Variants in HMGB1 observed in about 807,000 individuals in gnomAD.
HMGB1 encodes high mobility group box 1, also known as high mobility group protein B1.
For missense variants in HMGB1, 79 were observed against 253.5 expected, an observed-to-expected ratio of 0.31 and a Z score of 4.67; for synonymous variants, 81 against 84.0, an observed-to-expected ratio of 0.96 and a Z score of 0.19.
At chr13:30,570,457 C>G (rs1377698949) in intron 1 of HMGB1, among the ~76,000 whole-genome samples, 1 of 152,186 alleles carries the variant, frequency 6.6e-6, no homozygotes, top group Non-Finnish European at 1.5e-5. Context: ...TCACTTTGAA[C>G]TTCTGCATCT....
chr13:30,484,662 G>A (rs1435595414), intron 1 of HMGB1, among the ~76,000 whole-genome samples: 2 of 152,078 alleles, frequency 1.3e-5, no homozygotes, highest in African/African-American at 4.8e-5. Context: ...TTGAGCCCAG[G>A]AGTTCAAAAC....
rs977822158 is a variant in HMGB1 at position 30,457,110 on chromosome 13, A to C, written c.*4247T>G. On this transcript the variant is annotated 3_prime_UTR_variant, in exon 5 of 5. Coordinates refer to ENST00000341423, the MANE Select transcript of HMGB1 (RefSeq NM_002128.7). ...GTACATAATTTACAAGGATCTCTCT[A>C]ATCCCTTTTCCACTTATTTTTAAAA... 1 of 152,198 alleles carries C rather than the reference A, an allele frequency of 6.6e-6. No individual in the cohort carries two copies. Among genetic ancestry groups the C allele is most frequent in the African/African-American group, 2.4e-5 (1 of 41,434 alleles). 9.4% of individuals were successfully genotyped at this position (152,198 alleles called of 1,614,324 possible).
chr13:30,531,671 G>C (rs1036432670), intron 1 of HMGB1, among the ~76,000 whole-genome samples: 1 of 151,748 alleles, frequency 6.6e-6, no homozygotes, highest in African/African-American at 2.4e-5. Flanking sequence ...AGGCCGAGGT[G>C]GGCGGATCAC....
chr13:30,536,402 T>C (rs574588657), intron 1 of HMGB1, among the ~76,000 whole-genome samples: 2 of 152,322 alleles, frequency 1.3e-5, no homozygotes, highest in Non-Finnish European at 2.9e-5. Flanking sequence ...TGAACTGGAG[T>C]GCAGTGGTGC....
At chr13:30,474,809 G>A (rs1440222812) in intron 1 of HMGB1, among the ~76,000 whole-genome samples, 2 of 132,788 alleles carry the variant, frequency 1.5e-5, no homozygotes, top group African/African-American at 5.8e-5. Context: ...CGCCTAAGCT[G>A]GAGTGCAATG....
intron 1 of HMGB1, among the ~76,000 whole-genome samples, chr13:30,592,716 A>G (rs1209957843): frequency 6.6e-6 from 1 of 152,112 alleles, no homozygotes; most frequent in Non-Finnish European, 1.5e-5. Flanking sequence ...AGTCAGGAAC[A>G]AAGCCACAAC....
intron 1 of HMGB1, among the ~76,000 whole-genome samples, chr13:30,492,712 C>T (rs533201243): frequency 2.0e-5 from 3 of 152,166 alleles, no homozygotes; most frequent in Non-Finnish European, 2.9e-5. Context: ...TAAACATGGC[C>T]GGGCACGCTG....
At chr13:30,538,498 C>CTTTCTTTCTTTTTCTTTA in intron 1 of HMGB1, among the ~76,000 whole-genome samples, 1 of 15,840 alleles carries the variant, frequency 6.3e-5, no homozygotes, top group African/African-American at 1.0e-4. Flanking sequence ...TTCTTTCTTT[C>CTTTCTTTCTTTTTCTTTA]TTTCTTTCTT....
In HMGB1 at chr13:30,457,988, T is replaced by C. The variant is rs1886061237; in HGVS notation, c.*3369A>G. ...TTGAAAATGACACAAAGCACAAATA[T>C]GAAAAGAAATTCAAATATTATCACA... On this transcript the variant is annotated 3_prime_UTR_variant, in exon 5 of 5. Coordinates refer to ENST00000341423, the MANE Select transcript of HMGB1 (RefSeq NM_002128.7). 1 of 152,210 alleles carries C rather than the reference T, an allele frequency of 6.6e-6. No individual in the cohort carries two copies. The highest frequency in any genetic ancestry group is 1.5e-5 in the Non-Finnish European group (1 of 68,036). The allele number at this position is 152,210 out of a possible 1,614,324, so 9.4% of individuals were successfully genotyped here.
intron 1 of HMGB1, 66 bp from the exon 2 acceptor site, chr13:30,463,760 T>C (rs1437037031): frequency 1.9e-6 from 2 of 1,059,410 alleles, no homozygotes; most frequent in Non-Finnish European, 2.7e-6. Flanking sequence ...TTAAAGTACT[T>C]AGTAAGGGAA....
chr13:30,583,817 C>G (rs1871016091), intron 1 of HMGB1, among the ~76,000 whole-genome samples: 1 of 120,370 alleles, frequency 8.3e-6, no homozygotes. Flanking sequence ...GCGAGCGAGA[C>G]TCTGTCTCAA....
At chr13:30,515,274 T>C (rs917099096) in intron 1 of HMGB1, among the ~76,000 whole-genome samples, 3 of 152,210 alleles carry the variant, frequency 2.0e-5, no homozygotes, top group Non-Finnish European at 4.4e-5. Flanking sequence ...AGAACCTGAA[T>C]GAGCTTGGAA....
intron 1 of HMGB1, among the ~76,000 whole-genome samples, chr13:30,588,400 A>C (rs375832689): frequency 3.3e-5 from 5 of 152,314 alleles, no homozygotes; most frequent in African/African-American, 1.2e-4. Flanking sequence ...GAACAGGGGA[A>C]AGGAGTTCCT....
intron 1 of HMGB1, among the ~76,000 whole-genome samples, chr13:30,504,658 C>T (rs574660048): frequency 2.0e-5 from 3 of 152,118 alleles, no homozygotes; most frequent in Admixed American, 6.5e-5. Context: ...AGGTTGAAAT[C>T]GAAGTTCCTT....
chr13:30,553,621 A>G lies in HMGB1; in HGVS notation c.-15+63050T>C. ...ACATTGAGTGTCTGTCCAGCTTAGG[A>G]GCCAACCTCACTCTTCCATTTCTCT... is the stretch of plus-strand genomic sequence containing the variant. On this transcript the variant is annotated intron_variant, in intron 1 of 4. Transcript: ENST00000405805. 3 of 627,954 alleles carry G rather than the reference A, an allele frequency of 4.8e-6. No homozygotes were observed. In the South Asian group the frequency reaches 5.2e-5, roughly 11 times the overall value. 38.9% of individuals were successfully genotyped at this position (627,954 alleles called of 1,614,324 possible). A position where few individuals can be genotyped will look rare whatever the true frequency, so the allele number is the denominator to read the frequency against.
At chr13:30,555,142 C>T (rs1232314312) in intron 1 of HMGB1, among the ~76,000 whole-genome samples, 17 of 145,488 alleles carry the variant, frequency 1.2e-4, no homozygotes, top group Non-Finnish European at 1.8e-4. Flanking sequence ...CCTGGGTTCA[C>T]GCCATTCTCC....
chr13:30,495,480 CTTTTTTTTTTT>C (rs68170969), intron 1 of HMGB1, among the ~76,000 whole-genome samples: 2 of 134,492 alleles, frequency 1.5e-5, no homozygotes, highest in South Asian at 4.8e-4. Context: ...TTTTTCTTTT[CTTTTTTTTTTT>C]TTTTGGAGAC....
At position 30,601,693 on chromosome 13, in the gene HMGB1, C is replaced by A. The variant is rs1358706942; in HGVS notation, c.-15+14978G>T. Among the ~76,000 whole-genome samples, 179 of 33,164 alleles carry A rather than the reference C, an allele frequency of 5.4e-3. 77 individuals carry two copies. In the African/African-American group the frequency reaches 0.18, roughly 33 times the overall value. 21.8% of individuals were successfully genotyped at this position (33,164 alleles called of 152,430 possible). On this transcript the variant is annotated intron_variant, in intron 1 of 4. Coordinates refer to the HMGB1 transcript ENST00000405805. ...CCCGGGAGGCGGAGCTTGCAGTGAG[C>A]CGAGATCCCGCCACTGCACTCCAGC...
chr13:30,543,107 C>T (rs1216162741), intron 1 of HMGB1: 1 of 146,888 alleles, frequency 6.8e-6, no homozygotes, highest in African/African-American at 2.5e-5. Context: ...CCAGGCTCTG[C>T]CTGTTCCAGG....
Sources: gnomAD v4.1 joint callset for allele counts (sites outside exome capture counted in the v4.1 genomes callset) on GRCh38, gnomAD v4.1.1 for gene constraint, MANE v1.5 for transcripts, NCBI Gene and HGNC (gene_info 2026-07-23, HGNC 2026-07-21) for gene names.